Variants in SV2C observed in about 807,000 individuals in gnomAD.
The protein encoded by SV2C is solute carrier family 22 member B3.
Under a neutral mutation model 79.7 loss-of-function variants are expected in SV2C, and 49 were observed. The ratio of observed to expected loss-of-function variants is 0.61; its 90% CI spans 0.49 to 0.78. SV2C has a LOEUF of 0.78. Ranked by LOEUF, SV2C falls within the 30% of genes least tolerant of loss-of-function variation. SV2C has a pLI of 0.00. For missense variants in SV2C, 833 were observed against 912.9 expected (o/e 0.91, Z 1.13); for synonymous variants, 334 against 333.2 (o/e 1.00, Z -0.03).
At chr5:76,014,540 A>T in the SV2C span, among the ~76,000 whole-genome samples, 1 of 152,178 alleles carries the variant, frequency 6.6e-6, no homozygotes, top group Non-Finnish European at 1.5e-5. Flanking sequence ...TTCAACTTTG[A>T]ATGTTCCATC....
chr5:76,246,967 G>A (rs1745964413), intron 4 of SV2C, among the ~76,000 whole-genome samples: 1 of 152,210 alleles, frequency 6.6e-6, no homozygotes, highest in African/African-American at 2.4e-5. Context: ...GGTACGAAGA[G>A]ATTCAGGTGG....
rs80238120 is a variant in SV2C at position 76,190,172 on chromosome 5, G to C, written c.581-4747G>C. 2.2e-3 allele frequency among the ~76,000 whole-genome samples: 331 copies of C among 152,294 alleles called. 14 individuals carry two copies. The East Asian group carries it at 0.06, about 28-fold the overall frequency. On this transcript the variant is annotated intron_variant, in intron 2 of 12. Coordinates refer to ENST00000502798, the MANE Select transcript of SV2C (RefSeq NM_014979.4). ...TGAAAACTGGCCAACTGATGTTAAA[G>C]GGAAAATTATTTGTAATGCTTGTTA...
chr5:76,228,182 G>C (rs1267711937), intron 4 of SV2C, among the ~76,000 whole-genome samples: 1 of 152,012 alleles, frequency 6.6e-6, no homozygotes, highest in Non-Finnish European at 1.5e-5. Context: ...GAACATGTCA[G>C]GCATTCATTA....
chr5:76,085,715 T>A (rs1432799094), intron 1 of SV2C, among the ~76,000 whole-genome samples: 1 of 152,058 alleles, frequency 6.6e-6, no homozygotes, highest in East Asian at 1.9e-4. Flanking sequence ...TTATACTAGC[T>A]CTTATGTACC....
chr5:76,217,386 G>A (rs1744933977), intron 4 of SV2C, among the ~76,000 whole-genome samples: 1 of 152,174 alleles, frequency 6.6e-6, no homozygotes, highest in Non-Finnish European at 1.5e-5. Flanking sequence ...CAACAAGAAG[G>A]AAGAAGAAAG....
chr5:76,236,561 C>A (rs1238205187), intron 4 of SV2C, among the ~76,000 whole-genome samples: 5 of 143,914 alleles, frequency 3.5e-5, no homozygotes, highest in African/African-American at 1.2e-4. Flanking sequence ...GACCCTGTAT[C>A]AAAAAAATAA....
At chr5:76,114,475 T>C (rs1382608618) in intron 1 of SV2C, among the ~76,000 whole-genome samples, 1 of 152,216 alleles carries the variant, frequency 6.6e-6, no homozygotes, top group Non-Finnish European at 1.5e-5. Context: ...CTTGTTGACA[T>C]CTATGAGAGT....
At chr5:76,115,247 C>T (rs940098104) in intron 1 of SV2C, among the ~76,000 whole-genome samples, 9 of 152,192 alleles carry the variant, frequency 5.9e-5, no homozygotes, top group African/African-American at 2.2e-4. Flanking sequence ...TAAGTAATTG[C>T]TTGACACCAG....
At chr5:76,065,532 G>C in the SV2C span, among the ~76,000 whole-genome samples, 1 of 152,098 alleles carries the variant, frequency 6.6e-6, no homozygotes, top group African/African-American at 2.4e-5. Flanking sequence ...ATTCTTTCTA[G>C]TTAAGAAATA....
At chr5:76,141,713 A>G (rs1749256053) in intron 2 of SV2C, among the ~76,000 whole-genome samples, 1 of 150,618 alleles carries the variant, frequency 6.6e-6, no homozygotes, top group Admixed American at 6.7e-5. Context: ...AGTCCCAGCT[A>G]CTCAGGAGGC....
chr5:76,245,575 A>T (rs1349241948), intron 4 of SV2C, among the ~76,000 whole-genome samples: 2 of 152,130 alleles, frequency 1.3e-5, no homozygotes, highest in Admixed American at 1.3e-4. Context: ...TTGGTTTAAG[A>T]GTTTTTGATA....
At chr5:76,082,600 T>C (rs1747030048), upstream of SV2C, among the ~76,000 whole-genome samples, 7 of 143,540 alleles carry the variant, frequency 4.9e-5, no homozygotes, top group African/African-American at 1.3e-4. Flanking sequence ...TCTTTCTTCC[T>C]CCTCCTCCTC....
chr5:76,179,731 G>A (rs918852762), intron 2 of SV2C, among the ~76,000 whole-genome samples: 3 of 152,166 alleles, frequency 2.0e-5, no homozygotes, highest in African/African-American at 7.2e-5. Flanking sequence ...CAATGGATTA[G>A]GGGCAACATC....
chr5:76,199,723 G>A (rs1580349064), intron 3 of SV2C, among the ~76,000 whole-genome samples: 1 of 152,214 alleles, frequency 6.6e-6, no homozygotes, highest in South Asian at 2.1e-4. Flanking sequence ...TCATTGGCTA[G>A]TTAATCATGA....
intron 2 of SV2C, among the ~76,000 whole-genome samples, chr5:76,194,713 G>A (rs1744216815): frequency 6.6e-6 from 1 of 152,190 alleles, no homozygotes; most frequent in Non-Finnish European, 1.5e-5. Context: ...ATTGATGTGA[G>A]GGTCGTGAGA....
the SV2C span, among the ~76,000 whole-genome samples, chr5:76,013,753 G>C: frequency 6.6e-6 from 1 of 152,118 alleles, no homozygotes; most frequent in Non-Finnish European, 1.5e-5. Context: ...ATATAATAAT[G>C]TCATCAGGCA....
the SV2C span, among the ~76,000 whole-genome samples, chr5:75,862,821 C>T: frequency 1.3e-5 from 2 of 152,168 alleles, no homozygotes; most frequent in Non-Finnish European, 2.9e-5. Context: ...TCAGTAGATA[C>T]AGAAAGAGAA....
intron 1 of SV2C, among the ~76,000 whole-genome samples, chr5:76,102,521 G>T (rs1269206553): frequency 1.3e-5 from 2 of 152,290 alleles, no homozygotes; most frequent in South Asian, 2.1e-4. Flanking sequence ...GTTCACTCTG[G>T]TGAACCCAGG....
At chr5:76,115,406 C>T (rs181493027) in intron 1 of SV2C, among the ~76,000 whole-genome samples, 8 of 152,228 alleles carry the variant, frequency 5.3e-5, no homozygotes, top group Admixed American at 2.6e-4. Flanking sequence ...ACTGAGTGAA[C>T]GTGGAGGTGA....
Sources: gnomAD v4.1 joint callset for allele counts (sites outside exome capture counted in the v4.1 genomes callset) on GRCh38, gnomAD v4.1.1 for gene constraint, MANE v1.5 for transcripts, NCBI Gene and HGNC (gene_info 2026-07-23, HGNC 2026-07-21) for gene names.